CEP128: variants seen among roughly 807,000 people sequenced by gnomAD.
The protein encoded by CEP128 is centrosomal protein 128kDa.
A neutral mutation model predicts 156.7 loss-of-function variants in CEP128; 132 were observed. That is an observed-to-expected ratio of 0.84 (90% CI 0.73 to 0.97). The LOEUF is 0.97. CEP128 is among the 50% of genes least tolerant of loss of function. The pLI is 0.00. For missense variants in CEP128, 1,252 were observed against 1,281.9 expected (o/e 0.98, Z 0.36); for synonymous variants, 469 against 448.9 (o/e 1.04, Z -0.57).
At chr14:80,600,322 C>T (rs1403456304) in intron 19 of CEP128, among the ~76,000 whole-genome samples, 5 of 152,084 alleles carry the variant, frequency 3.3e-5, no homozygotes, top group Non-Finnish European at 5.9e-5. Flanking sequence ...AAGACATTCA[C>T]ACCTAGATAC....
At chr14:80,879,734 GA>G (rs1172958355) in intron 8 of CEP128, among the ~76,000 whole-genome samples, 1 of 152,058 alleles carries the variant, frequency 6.6e-6, no homozygotes, top group Non-Finnish European at 1.5e-5. Context: ...TTCATAAAGA[GA>G]AAAGACAAAG....
At chr14:80,762,195 T>TA (rs1008891932) in intron 16 of CEP128, among the ~76,000 whole-genome samples, 2 of 152,110 alleles carry the variant, frequency 1.3e-5, no homozygotes, top group African/African-American at 4.8e-5. Context: ...ATTATATACT[T>TA]AAAGAAAAGG....
At chr14:80,478,443 G>T (rs1041181507) in intron 14 of CEP128, 1 of 152,104 alleles carries the variant, frequency 6.6e-6, no homozygotes, top group African/African-American at 2.4e-5. Flanking sequence ...TGGTGTCATT[G>T]ATTCTTTAAA....
chr14:80,753,490 C>A (rs1899492243), intron 18 of CEP128, among the ~76,000 whole-genome samples: 1 of 152,176 alleles, frequency 6.6e-6, no homozygotes, highest in Non-Finnish European at 1.5e-5. Context: ...TTTCTTTATT[C>A]TCTGTCACAA....
intron 20 of CEP128, among the ~76,000 whole-genome samples, chr14:80,578,504 A>T (rs894921388): frequency 2.0e-5 from 3 of 152,178 alleles, no homozygotes; most frequent in African/African-American, 4.8e-5. Flanking sequence ...CCCTTCTGGG[A>T]TCATCTAATC....
intron 24 of CEP128, among the ~76,000 whole-genome samples, chr14:80,502,762 T>C (rs1887796993): frequency 6.6e-6 from 1 of 152,064 alleles, no homozygotes; most frequent in African/African-American, 2.4e-5. Flanking sequence ...GTAAGTTCTG[T>C]TTTCCTCTTT....
chr14:80,647,106 TAC>T (rs764189879), intron 19 of CEP128, among the ~76,000 whole-genome samples: 7,862 of 74,326 alleles, frequency 0.11, 598 homozygotes, highest in Middle Eastern at 0.23. Flanking sequence ...TAAATACACA[TAC>T]ACACACACAC....
chr14:80,728,467 C>T (rs1267195154), intron 19 of CEP128, among the ~76,000 whole-genome samples: 1 of 151,956 alleles, frequency 6.6e-6, no homozygotes, highest in Non-Finnish European at 1.5e-5. Context: ...CAGTGGCACG[C>T]TATTTAGTCA....
chr14:80,856,835 A>G (rs1459871267), intron 9 of CEP128, among the ~76,000 whole-genome samples: 1 of 137,480 alleles, frequency 7.3e-6, no homozygotes, highest in Non-Finnish European at 1.5e-5. Context: ...AGTTAAAGCT[A>G]TTCTCGTGCC....
At chr14:80,588,362 A>AT (rs1188602374) in intron 19 of CEP128, among the ~76,000 whole-genome samples, 1 of 152,080 alleles carries the variant, frequency 6.6e-6, no homozygotes, top group African/African-American at 2.4e-5. Flanking sequence ...TCACAATGTA[A>AT]ATATATCCTG....
At chr14:80,600,958 A>G (rs116155103) in intron 19 of CEP128, among the ~76,000 whole-genome samples, 1,764 of 152,164 alleles carry the variant, frequency 0.012, 34 homozygotes, top group African/African-American at 0.04. Context: ...AATTTTATAC[A>G]TGAAGAAGAA....
At chr14:80,895,662 A>G (rs1266516377) in intron 8 of CEP128, 56 bp downstream of exon 8, 5 of 1,246,728 alleles carry the variant, frequency 4.0e-6, no homozygotes, top group East Asian at 2.6e-5. Context: ...GATTATGACC[A>G]GCCTACCCAT....
chr14:80,660,928 C>T (rs970966397), intron 19 of CEP128, among the ~76,000 whole-genome samples: 6 of 152,208 alleles, frequency 3.9e-5, no homozygotes, highest in African/African-American at 4.8e-5. Flanking sequence ...TAGCATTAGC[C>T]GAGTCACTGC....
At chr14:80,820,971 T>C (rs1224958645) in intron 13 of CEP128, among the ~76,000 whole-genome samples, 1 of 152,122 alleles carries the variant, frequency 6.6e-6, no homozygotes, top group African/African-American at 2.4e-5. Context: ...ATTAAACACA[T>C]TTAATGTGCT....
intron 19 of CEP128, among the ~76,000 whole-genome samples, chr14:80,740,785 C>T (rs1171518850): frequency 6.6e-6 from 1 of 152,044 alleles, no homozygotes; most frequent in Non-Finnish European, 1.5e-5. Flanking sequence ...CTTATTTCAC[C>T]CTTAGATGTG....
At chr14:80,669,577 C>T (rs1306278177) in intron 19 of CEP128, among the ~76,000 whole-genome samples, 1 of 152,106 alleles carries the variant, frequency 6.6e-6, no homozygotes, top group Non-Finnish European at 1.5e-5. Context: ...TTCAACAGCA[C>T]TAATAATCAG....
intron 4 of CEP128, 67 bp downstream of exon 4, chr14:80,914,255 A>G: frequency 1.8e-6 from 2 of 1,121,134 alleles, no homozygotes; most frequent in Admixed American, 1.7e-5. Context: ...TCACAGCCCC[A>G]TTCCCCAAAA....
At chr14:80,502,226 C>G (rs1224172724) in intron 24 of CEP128, among the ~76,000 whole-genome samples, 1 of 152,134 alleles carries the variant, frequency 6.6e-6, no homozygotes, top group Non-Finnish European at 1.5e-5. Flanking sequence ...AAGCCAAGGA[C>G]TAAGCCTCAA....
At chr14:80,714,565 A>G (rs1166211315) in intron 19 of CEP128, among the ~76,000 whole-genome samples, 1 of 152,150 alleles carries the variant, frequency 6.6e-6, no homozygotes, top group African/African-American at 2.4e-5. Flanking sequence ...CCAACCAAAA[A>G]TCACCTAATA....
Sources: allele counts gnomAD v4.1 joint callset (sites outside exome capture counted in the v4.1 genomes callset), GRCh38; gene constraint gnomAD v4.1.1; transcripts MANE v1.5; gene names NCBI Gene and HGNC (gene_info 2026-07-23, HGNC 2026-07-21).